The following PCDHGB1 variants were observed in gnomAD, a reference collection of about 807,000 sequenced individuals.
PCDHGB1 encodes protocadherin gamma-B1.
Under a neutral mutation model 56.6 loss-of-function variants are expected in PCDHGB1, and 34 were observed. The observed-to-expected ratio is 0.60, with a 90% confidence interval of 0.46 to 0.80. The LOEUF (loss-of-function observed/expected upper bound fraction) is 0.80, where lower values mean the gene tolerates loss of function less well. Among genes scored for constraint, PCDHGB1 ranks in the 30% least tolerant of loss-of-function variants. PCDHGB1 has a pLI of 0.00. For missense variants in PCDHGB1, 1,278 were observed against 1,204.6 expected (o/e 1.06, Z -0.90); for synonymous variants, 561 against 505.9 (o/e 1.11, Z -1.46).
At chr5:141,385,328 G>A (rs767891948) in intron 1 of PCDHGB1, 13 of 1,588,314 alleles carry the variant, frequency 8.2e-6, no homozygotes, top group Middle Eastern at 1.7e-4. Flanking sequence ...ATTCAGGTGA[G>A]CCCAGCCCTT....
chr5:141,393,126 A>C (rs1216742718), intron 1 of PCDHGB1: 1 of 1,613,316 alleles, frequency 6.2e-7, no homozygotes, highest in East Asian at 2.2e-5. Context: ...GTGTCTGATA[A>C]ATATTAACAC....
rs1765306389 is a variant in PCDHGB1 at position 141,367,734 on chromosome 5, C to G, written c.2409+15065C>G. On this transcript the variant is annotated intron_variant, in intron 1 of 3. Transcript: ENST00000523390. The stretch of plus-strand genomic sequence containing the variant: ...TTGGGCTTCGTTCTGTGATGTAAAG[C>G]CTCCAGAGAGTTACATACTGCTGCA... 3 of 152,132 alleles carry G rather than the reference C, an allele frequency of 2.0e-5. No homozygotes were observed. In the South Asian group the frequency reaches 6.2e-4, roughly 32 times the overall value. The allele number at this position is 152,132 out of a possible 1,614,324, so 9.4% of individuals were successfully genotyped here. A position where few individuals can be genotyped will look rare whatever the true frequency, so the allele number is the denominator to read the frequency against.
chr5:141,393,450 A>G, intron 1 of PCDHGB1: 1 of 1,614,028 alleles, frequency 6.2e-7, no homozygotes, highest in Non-Finnish European at 8.5e-7. Context: ...CCTGGTCCTC[A>G]CGGCCTCGGA....
intron 1 of PCDHGB1, chr5:141,361,483 C>T (rs1762043135): frequency 6.2e-7 from 1 of 1,614,026 alleles, no homozygotes; most frequent in Non-Finnish European, 8.5e-7. Context: ...CGATAATGCC[C>T]CAGTTTTCCA....
chr5:141,472,602 T>A (rs1032061805), intron 1 of PCDHGB1, among the ~76,000 whole-genome samples: 1 of 152,026 alleles, frequency 6.6e-6, no homozygotes, highest in South Asian at 2.1e-4. Context: ...CTTGAAATTA[T>A]AAAACAAAGA....
At chr5:141,356,338 G>T in intron 1 of PCDHGB1, 2 of 1,554,674 alleles carry the variant, frequency 1.3e-6, no homozygotes, top group Non-Finnish European at 1.7e-6. Flanking sequence ...AGGAGGAAAT[G>T]GCCTAGTCAC....
chr5:141,431,790 C>T lies in PCDHGB1; in HGVS notation c.2410-63017C>T, dbSNP rs2097417829. On this transcript the variant is annotated intron_variant, in intron 1 of 3. Transcript: ENST00000523390. This position sits in a 1 kb window ranked among gnomAD's most constrained non-coding sequence, Gnocchi z 4.8. The stretch of plus-strand genomic sequence containing the variant: ...ACTGTTCTGGACGTGAACGACAATG[C>T]CCCAGAAGTGGTCCTCACCTCTCTC... 4.3e-6 allele frequency: 7 copies of T among 1,614,186 alleles called. No individual in the cohort carries two copies. The highest frequency in any genetic ancestry group is 5.9e-6 in the Non-Finnish European group (7 of 1,180,016).
chr5:141,381,354 G>T (rs1163041754), intron 1 of PCDHGB1, among the ~76,000 whole-genome samples: 1 of 152,202 alleles, frequency 6.6e-6, no homozygotes, highest in Admixed American at 6.5e-5. Context: ...CTTTCTGCTA[G>T]CAGAGGGTAG....
chr5:141,433,234 C>T (rs773942024), intron 1 of PCDHGB1: 3 of 1,512,746 alleles, frequency 2.0e-6, no homozygotes, highest in Middle Eastern at 1.8e-4. Flanking sequence ...TGCTCTGTCT[C>T]CCAAGCTGGA....
rs1337141924 is a variant in PCDHGB1, at chr5:141,512,916, CTAATATT to C, written c.*1746_*1752del. On this transcript the variant is annotated 3_prime_UTR_variant, in exon 4 of 4. Coordinates refer to ENST00000523390, the MANE Select transcript of PCDHGB1 (RefSeq NM_018922.3). The stretch of plus-strand genomic sequence containing the variant: ...CTGTGTCTCACGCAAGTTTTATACT[CTAATATT>C]TATATGGCTTTTTTTCTTCGACAAA... The C allele has an allele frequency of 1.3e-5, 2 of 152,206 alleles. No homozygotes were observed. Among genetic ancestry groups the C allele is most frequent in the Non-Finnish European group, 2.9e-5 (2 of 68,046 alleles). The allele number at this position is 152,206 out of a possible 1,614,324, so 9.4% of individuals were successfully genotyped here.
chr5:141,409,452 A>T, intron 1 of PCDHGB1: 1 of 1,613,990 alleles, frequency 6.2e-7, no homozygotes, highest in Non-Finnish European at 8.5e-7. Context: ...CAGACACCAG[A>T]ATACAATGTC....
chr5:141,402,908 G>C (rs772824235), intron 1 of PCDHGB1: 1 of 1,545,226 alleles, frequency 6.5e-7, no homozygotes, highest in African/African-American at 1.4e-5. Flanking sequence ...TGATGAAGCA[G>C]CGCGCACAGA....
intron 1 of PCDHGB1, chr5:141,428,160 T>C (rs761366261): frequency 6.4e-7 from 1 of 1,572,286 alleles, no homozygotes; most frequent in Non-Finnish European, 8.7e-7. Context: ...AACCTGCTGG[T>C]TGCTGTGCGT....
intron 3 of PCDHGB1, among the ~76,000 whole-genome samples, chr5:141,510,538 G>A (rs1423013528): frequency 1.3e-5 from 2 of 152,216 alleles, no homozygotes; most frequent in East Asian, 1.9e-4. Context: ...AAATACCAGC[G>A]AATGTGTTTT....
chr5:141,404,628 C>T (rs1183309479), intron 1 of PCDHGB1: 2 of 1,614,100 alleles, frequency 1.2e-6, no homozygotes, highest in Non-Finnish European at 1.7e-6. Flanking sequence ...AATGACAATG[C>T]CCCAGAAATC....
chr5:141,428,304 G>C, intron 1 of PCDHGB1: 1 of 695,706 alleles, frequency 1.4e-6, no homozygotes, highest in South Asian at 1.6e-5. Flanking sequence ...AGATTTACCT[G>C]GTCGTGGCCT....
chr5:141,390,185 T>C, intron 1 of PCDHGB1: 1 of 1,614,042 alleles, frequency 6.2e-7, no homozygotes, highest in Non-Finnish European at 8.5e-7. Context: ...TCCTAAAATG[T>C]AGTGAGCAGT....
rs539406412 is a variant in PCDHGB1, at chr5:141,427,895, G to A, written c.2410-66912G>A. ...CGATGCAGGCCCACGACCAGGGCTCGCCCGCGCTCAGCGCCAACATGAGCC... is the reference window on the plus strand; with the variant it reads ...CGATGCAGGCCCACGACCAGGGCTCACCCGCGCTCAGCGCCAACATGAGCC... On this transcript the variant is annotated intron_variant, in intron 1 of 3. Transcript: ENST00000523390. 373 of 1,569,222 alleles carry A rather than the reference G, an allele frequency of 2.4e-4. 2 individuals are homozygous for A. In the South Asian group the frequency reaches 3.9e-3, roughly 17 times the overall value.
intron 1 of PCDHGB1, among the ~76,000 whole-genome samples, chr5:141,380,691 G>C (rs1198645485): frequency 6.6e-6 from 1 of 152,212 alleles, no homozygotes; most frequent in Non-Finnish European, 1.5e-5. Flanking sequence ...TTTGTGTTCG[G>C]AGTAGTCTAT....
Sources: gnomAD v4.1 joint callset for allele counts (sites outside exome capture counted in the v4.1 genomes callset) on GRCh38, gnomAD v4.1.1 for gene constraint, Gnocchi (gnomAD v3.1) non-coding constraint, MANE v1.5 for transcripts, NCBI Gene and HGNC (gene_info 2026-07-23, HGNC 2026-07-21) for gene names.